Variants in RAD23B observed in about 807,000 individuals in gnomAD.
The protein encoded by RAD23B is RAD23 nucleotide excision repair protein B.
A neutral mutation model predicts 49.1 loss-of-function variants in RAD23B; 5 were observed. That is an observed-to-expected ratio of 0.10 (90% CI 0.05 to 0.21). RAD23B has a LOEUF of 0.21. Among genes scored for constraint, RAD23B ranks in the 10% least tolerant of loss-of-function variants. The pLI, the probability that RAD23B is intolerant of heterozygous loss-of-function variation, is 1.00. For missense variants in RAD23B, 356 were observed against 486.7 expected, an observed-to-expected ratio of 0.73 and a Z score of 2.53; for synonymous variants, 184 against 165.4, an observed-to-expected ratio of 1.11 and a Z score of -0.86.
chr9:107,291,676 C>G (rs1833387444), intron 1 of RAD23B, among the ~76,000 whole-genome samples: 1 of 152,028 alleles, frequency 6.6e-6, no homozygotes. Context: ...CAGAAATTCC[C>G]CAGGAAATAC....
In RAD23B at chr9:107,306,527, T is replaced by A. The variant is rs1469987484; in HGVS notation, c.377T>A (p.Ile126Asn). The A allele has an allele frequency of 1.9e-6, 3 of 1,614,034 alleles. No individual in the cohort carries two copies. The highest frequency in any genetic ancestry group is 2.5e-6 in the Non-Finnish European group (3 of 1,180,002). ...GCCCCCACTTCCACACCTGCATCCA[T>A]CACTCCAGCATCAGCGACAGCATCT... is the stretch of plus-strand genomic sequence containing the variant. ...ALAPTSTPAS[I>N]TPASATASSE... is the part of the protein sequence containing the mutation. Residue 126 changes from isoleucine (I) to asparagine (N), a missense_variant, in exon 4 of 10, where the codon ATC (isoleucine) becomes AAC (asparagine). Coordinates refer to ENST00000358015, the MANE Select transcript of RAD23B (RefSeq NM_002874.5).
At chr9:107,284,521 C>G (rs1248402353) in intron 1 of RAD23B, among the ~76,000 whole-genome samples, 1 of 152,118 alleles carries the variant, frequency 6.6e-6, no homozygotes, top group African/African-American at 2.4e-5. Flanking sequence ...AACTTTGAAT[C>G]CTTTCTGCAG....
chr9:107,284,219 TC>T (rs1018270367), intron 1 of RAD23B: 2 of 985,634 alleles, frequency 2.0e-6, no homozygotes, highest in Non-Finnish European at 2.4e-6. Context: ...TTTGCCCCTT[TC>T]CCCTCAGAAT....
At chr9:107,299,467 C>CTA (rs1826602292) in intron 1 of RAD23B, among the ~76,000 whole-genome samples, 1 of 152,114 alleles carries the variant, frequency 6.6e-6, no homozygotes, top group Non-Finnish European at 1.5e-5. Context: ...AATGAAGAGA[C>CTA]TATAAAGGTC....
At chr9:107,294,024 G>A (rs1372757658) in intron 1 of RAD23B, among the ~76,000 whole-genome samples, 2 of 152,152 alleles carry the variant, frequency 1.3e-5, no homozygotes, top group Admixed American at 1.3e-4. Flanking sequence ...GGATAACAGG[G>A]GAAATGACTA....
intron 3 of RAD23B, 60 bp from the exon 4 acceptor site, chr9:107,306,319 T>G: frequency 6.6e-7 from 1 of 1,520,092 alleles, no homozygotes; most frequent in South Asian, 1.2e-5. Flanking sequence ...TACAGTCTAA[T>G]TAGAGATCAG....
rs1045911832 is a variant in RAD23B at position 107,318,964 on chromosome 9, G to C, written c.681+85G>C. 118 of 1,363,246 alleles carry C rather than the reference G, an allele frequency of 8.7e-5. No individual in the cohort carries two copies. Among genetic ancestry groups the C allele is most frequent in the Non-Finnish European group, 1.1e-4 (107 of 991,972 alleles). 84.4% of individuals were successfully genotyped at this position (1,363,246 alleles called of 1,614,324 possible). On this transcript the variant is annotated intron_variant, in intron 6 of 9. Coordinates refer to ENST00000358015, the MANE Select transcript of RAD23B (RefSeq NM_002874.5). The surrounding 1 kb of genome is among the most constrained non-coding windows in gnomAD (Gnocchi z 4.3). ...CAGATTTTAAAGGACCAGTTCACTTGTCACTGATATATGCTAGATGATATA... is the reference window on the plus strand; with the variant it reads ...CAGATTTTAAAGGACCAGTTCACTTCTCACTGATATATGCTAGATGATATA...
In RAD23B at chr9:107,331,791, A is replaced by G; in HGVS notation, c.*2135A>G. The G allele has an allele frequency of 1.3e-6, 1 of 765,224 alleles. No individual in the cohort carries two copies. Among genetic ancestry groups the G allele is most frequent in the South Asian group, 1.4e-5 (1 of 71,102 alleles). 47.4% of individuals were successfully genotyped at this position (765,224 alleles called of 1,614,324 possible). On this transcript the variant is annotated 3_prime_UTR_variant, in exon 10 of 10. Transcript: ENST00000358015. Reference sequence around the variant, plus strand: ...TGGATATACTAGGATTAATTATCAGAAGACAGCTCAGGCCAAGTTTTGATC... The same window carrying G: ...TGGATATACTAGGATTAATTATCAGGAGACAGCTCAGGCCAAGTTTTGATC...
intron 1 of RAD23B, among the ~76,000 whole-genome samples, chr9:107,292,418 T>A (rs2147071): frequency 6.6e-6 from 1 of 152,054 alleles, no homozygotes; most frequent in Non-Finnish European, 1.5e-5. Flanking sequence ...CCGTGGCTTA[T>A]GCCTGTAATC....
chr9:107,302,206 A>C, intron 3 of RAD23B, 92 bp downstream of exon 3: 2 of 1,557,274 alleles, frequency 1.3e-6, no homozygotes, highest in Non-Finnish European at 1.7e-6. Flanking sequence ...CAGTTTATAC[A>C]CATCCATAGT....
chr9:107,298,608 G>GGCATCAGCCACT (rs1381235937), intron 1 of RAD23B, among the ~76,000 whole-genome samples: 1 of 148,352 alleles, frequency 6.7e-6, no homozygotes, highest in Non-Finnish European at 1.5e-5. Flanking sequence ...TGGGATTACA[G>GGCATCAGCCACT]GCATCAGCCA....
At chr9:107,324,093 C>A in intron 8 of RAD23B, 76 bp downstream of exon 8, 1 of 1,456,538 alleles carries the variant, frequency 6.9e-7, no homozygotes, top group South Asian at 1.2e-5. Context: ...CGGTCCTTCC[C>A]CTCCTCAAAT....
chr9:107,311,783 AAGAGGTTTCACTTTTCT>A, intron 5 of RAD23B, 46 bp downstream of exon 5: 1 of 1,399,040 alleles, frequency 7.1e-7, no homozygotes, highest in Non-Finnish European at 9.7e-7. Flanking sequence ...AGAGATAGGA[AAGAGGTTTCACTTTTCT>A]AGATCATGAT....
chr9:107,324,291 T>G (rs1231438050), intron 8 of RAD23B, among the ~76,000 whole-genome samples: 1 of 152,246 alleles, frequency 6.6e-6, no homozygotes, highest in African/African-American at 2.4e-5. Context: ...ATTAATATGT[T>G]AAAGAATTTG....
chr9:107,327,272 C>G (rs1184784719), intron 9 of RAD23B, among the ~76,000 whole-genome samples: 1 of 152,040 alleles, frequency 6.6e-6, no homozygotes, highest in Non-Finnish European at 1.5e-5. Flanking sequence ...TTTTAAGTCT[C>G]TCTAATGTTT....
At position 107,329,646 on chromosome 9, in the gene RAD23B, A is replaced by T; in HGVS notation, c.1220A>T (p.Asp407Val). 1 of 1,608,538 alleles carries T rather than the reference A, an allele frequency of 6.2e-7. No individual in the cohort carries two copies. Among genetic ancestry groups the T allele is most frequent in the South Asian group, 1.1e-5 (1 of 90,900 alleles). The stretch of plus-strand genomic sequence containing the variant: ...AATTTTCTTCTACAGCAGAACTTTG[A>T]TGAAGATTGAAAGGGACTTTTTTAT... ...AANFLLQQNF[D>V]ED The change falls in exon 10 of 10, where the codon GAT becomes GTT. Residue 407 changes from aspartate (D) to valine (V), a missense_variant. Asp to Val is a radical substitution (Grantham distance 152). This residue lies in a region of RAD23B where 8 missense variants were observed against 47.2 expected (regional missense o/e 0.17). Coordinates refer to ENST00000358015, the MANE Select transcript of RAD23B (RefSeq NM_002874.5).
rs1201715606 is a variant in RAD23B at position 107,283,692 on chromosome 9, G to A, written c.63G>A (p.Glu21=). ...QTFKIDIDPE[E]TVKALKEKIE... The stretch of plus-strand genomic sequence containing the variant: ...TCAAGATAGACATTGACCCCGAGGA[G>A]ACGGTATGCGCGCGGGCCGGGGGCA... Residue 21 remains glutamate (E), a synonymous_variant, in exon 1 of 10, where the codon GAG becomes GAA. Transcript: ENST00000358015. The A allele has an allele frequency of 6.8e-7, 1 of 1,468,628 alleles. No individual in the cohort carries two copies. Among genetic ancestry groups the A allele is most frequent in the Non-Finnish European group, 9.0e-7 (1 of 1,106,350 alleles). The allele number at this position is 1,468,628 out of a possible 1,614,324, so 91.0% of individuals were successfully genotyped here.
At position 107,330,111 on chromosome 9, in the gene RAD23B, T is replaced by C. The variant is rs577829744; in HGVS notation, c.*455T>C. ...CTTTGTGAAATTTAAAAAATTTTTGTAGCGACTGTAAACAGAAATGCCAAA... is the reference window on the plus strand; with the variant it reads ...CTTTGTGAAATTTAAAAAATTTTTGCAGCGACTGTAAACAGAAATGCCAAA... On this transcript the variant is annotated 3_prime_UTR_variant, in exon 10 of 10. Coordinates refer to ENST00000358015, the MANE Select transcript of RAD23B (RefSeq NM_002874.5). This position sits in a 1 kb window ranked among gnomAD's most constrained non-coding sequence, Gnocchi z 4.4. The C allele has an allele frequency of 2.0e-5, 3 of 152,778 alleles. No homozygotes were observed. Among genetic ancestry groups the C allele is most frequent in the East Asian group, 1.9e-4 (1 of 5,192 alleles). The allele number at this position is 152,778 out of a possible 1,614,324, so 9.5% of individuals were successfully genotyped here.
chr9:107,308,561 C>T (rs1038662799), intron 4 of RAD23B, among the ~76,000 whole-genome samples: 1 of 152,148 alleles, frequency 6.6e-6, no homozygotes, highest in Non-Finnish European at 1.5e-5. Context: ...TGCAGTTTTA[C>T]TTACCTATTC....
Sources: allele counts gnomAD v4.1 joint callset (sites outside exome capture counted in the v4.1 genomes callset), GRCh38; gene constraint gnomAD v4.1.1; regional missense constraint gnomAD v4.1.1; non-coding constraint Gnocchi (gnomAD v3.1); transcripts MANE v1.5; gene names NCBI Gene and HGNC (gene_info 2026-07-23, HGNC 2026-07-21).